LRRC7: variants seen among roughly 807,000 people sequenced by gnomAD.
The protein encoded by LRRC7 is leucine rich repeat containing 7.
In LRRC7, 23 loss-of-function variants were observed where a neutral mutation model predicts 175.7. The ratio of observed to expected loss-of-function variants is 0.13; its 90% confidence interval spans 0.09 to 0.19. LRRC7 has a LOEUF of 0.19. Among genes scored for constraint, LRRC7 ranks in the 10% least tolerant of loss-of-function variants. The pLI is 1.00. For missense variants in LRRC7, 1,354 were observed against 1,904.7 expected (o/e 0.71, Z 5.38); for synonymous variants, 685 against 680.9 (o/e 1.01, Z -0.09).
chr1:70,026,452 A>T (rs966846353), intron 17 of LRRC7, among the ~76,000 whole-genome samples: 3 of 152,102 alleles, frequency 2.0e-5, no homozygotes, highest in Non-Finnish European at 4.4e-5. Context: ...TTCTAATACC[A>T]ACTTAAACAA....
At chr1:70,040,310 C>T (rs1483862073) in intron 21 of LRRC7, among the ~76,000 whole-genome samples, 1 of 151,944 alleles carries the variant, frequency 6.6e-6, no homozygotes, top group Non-Finnish European at 1.5e-5. Flanking sequence ...CAACAAGAAA[C>T]AGAAAAATAA....
intron 1 of LRRC7, among the ~76,000 whole-genome samples, chr1:69,576,722 G>A (rs979425257): frequency 1.3e-5 from 2 of 152,102 alleles, no homozygotes; most frequent in Non-Finnish European, 2.9e-5. Flanking sequence ...CTTTTCATTT[G>A]TAAAATGGTT....
At chr1:69,856,195 T>A (rs1259359807) in intron 7 of LRRC7, among the ~76,000 whole-genome samples, 1 of 152,192 alleles carries the variant, frequency 6.6e-6, no homozygotes, top group East Asian at 1.9e-4. Flanking sequence ...TTTTGCTTAT[T>A]AGTTGATGCA....
At chr1:69,735,843 C>T (rs1193425181) in intron 2 of LRRC7, among the ~76,000 whole-genome samples, 1 of 151,832 alleles carries the variant, frequency 6.6e-6, no homozygotes, top group Non-Finnish European at 1.5e-5. Flanking sequence ...CCCTTCCTTG[C>T]AAAACTTCCT....
chr1:69,818,046 G>A (rs1402181196), intron 4 of LRRC7, among the ~76,000 whole-genome samples: 2 of 152,034 alleles, frequency 1.3e-5, no homozygotes, highest in East Asian at 1.9e-4. Context: ...TATATAAGAT[G>A]CTGGCATCCA....
intron 2 of LRRC7, among the ~76,000 whole-genome samples, chr1:69,726,391 T>G (rs1176595338): frequency 1.3e-5 from 2 of 152,162 alleles, no homozygotes; most frequent in African/African-American, 2.4e-5. Context: ...AATGTAAAGA[T>G]TCCTTAAAAC....
intron 2 of LRRC7, among the ~76,000 whole-genome samples, chr1:69,730,272 C>A (rs995262689): frequency 6.6e-6 from 1 of 152,216 alleles, no homozygotes; most frequent in Non-Finnish European, 1.5e-5. Context: ...ATGTAAATTT[C>A]TGCAGTGGGC....
In LRRC7 at chr1:70,110,205, C is replaced by G. The variant is rs937362634; in HGVS notation, c.4620+2379C>G. Among the ~76,000 whole-genome samples the G allele has an allele frequency of 2.6e-5, 4 of 152,106 alleles. No homozygotes were observed. The East Asian group carries it at 7.8e-4, about 30-fold the overall frequency. On this transcript the variant is annotated intron_variant, in intron 26 of 26. Coordinates refer to ENST00000651989, the MANE Select transcript of LRRC7 (RefSeq NM_001370785.2). ...GGCCAGCCTTGGCAGCACAGTGAGA[C>G]TTGGTCTCTACAGAAAATTTAAAAA...
rs369706064 is a variant in LRRC7 at position 69,947,108 on chromosome 1, A to AAAATAAAT, written c.711+15575_711+15582dup. On this transcript the variant is annotated intron_variant, in intron 8 of 26. Transcript: ENST00000651989. ...GAGCAACAGAGTGAGACTGTGTCTCAAAATAAATAAATAAATAAATAAATA... is the reference window on the plus strand; with the variant it reads ...GAGCAACAGAGTGAGACTGTGTCTCAAAATAAATAAATAAATAAATAAATAAATAAATA... Among the ~76,000 whole-genome samples, 1,265 of 147,106 alleles carry AAAATAAAT rather than the reference A, an allele frequency of 8.6e-3. 10 individuals carry two copies. Among genetic ancestry groups the AAAATAAAT allele is most frequent in the Non-Finnish European group, 8.4e-3 (561 of 66,916 alleles).
intron 8 of LRRC7, among the ~76,000 whole-genome samples, chr1:69,939,719 T>C (rs1419201980): frequency 6.6e-6 from 1 of 152,164 alleles, no homozygotes; most frequent in East Asian, 1.9e-4. Context: ...CAGAAAGTTT[T>C]CCTTGCACCT....
At chr1:69,669,252 G>A (rs1658710258) in intron 1 of LRRC7, among the ~76,000 whole-genome samples, 2 of 152,096 alleles carry the variant, frequency 1.3e-5, no homozygotes, top group South Asian at 4.1e-4. Flanking sequence ...ATTTCTGGCA[G>A]AACAGATCTG....
chr1:70,023,488 A>G, intron 17 of LRRC7, 114 bp downstream of exon 17: 1 of 1,119,942 alleles, frequency 8.9e-7, no homozygotes, highest in Non-Finnish European at 1.2e-6. Flanking sequence ...TCACATAGAA[A>G]CCTTCAAATT....
intron 22 of LRRC7, among the ~76,000 whole-genome samples, chr1:70,048,220 C>T (rs192777145): frequency 3.9e-5 from 6 of 152,098 alleles, no homozygotes; most frequent in Admixed American, 1.3e-4. Flanking sequence ...TAGATATTTC[C>T]ACTGGGAGAA....
At chr1:70,047,099 C>CAT (rs1352533408) in intron 22 of LRRC7, among the ~76,000 whole-genome samples, 1 of 152,136 alleles carries the variant, frequency 6.6e-6, no homozygotes, top group Non-Finnish European at 1.5e-5. Context: ...CCTAAATACT[C>CAT]ATTAGCCATA....
At chr1:69,593,197 T>C (rs928752150) in intron 1 of LRRC7, among the ~76,000 whole-genome samples, 7 of 152,032 alleles carry the variant, frequency 4.6e-5, no homozygotes, top group African/African-American at 1.7e-4. Flanking sequence ...AAAAAGAACA[T>C]TTTAAAACTT....
chr1:70,046,065 T>C (rs1660306652), intron 22 of LRRC7, among the ~76,000 whole-genome samples: 1 of 152,100 alleles, frequency 6.6e-6, no homozygotes, highest in South Asian at 2.1e-4. Context: ...AAAGAGATCT[T>C]GGCATGATGG....
chr1:69,744,474 T>G (rs1669049184), intron 2 of LRRC7, among the ~76,000 whole-genome samples: 1 of 151,892 alleles, frequency 6.6e-6, no homozygotes, highest in Non-Finnish European at 1.5e-5. Flanking sequence ...TCCATCGATG[T>G]TCATTTCTGT....
At chr1:69,728,630 ATTAATTACATTTTCTTTCATT>A (rs1157865247) in intron 2 of LRRC7, among the ~76,000 whole-genome samples, 2 of 152,224 alleles carry the variant, frequency 1.3e-5, no homozygotes, top group Non-Finnish European at 2.9e-5. Flanking sequence ...AAATGTGAAA[ATTAATTACATTTTCTTTCATT>A]TTATGAAATT....
At chr1:69,845,080 T>C (rs562607812) in intron 7 of LRRC7, among the ~76,000 whole-genome samples, 27 of 152,020 alleles carry the variant, frequency 1.8e-4, no homozygotes, top group African/African-American at 6.0e-4. Flanking sequence ...CGAGGCCCTG[T>C]CTCTACAAAA....
Sources: allele counts gnomAD v4.1 joint callset (sites outside exome capture counted in the v4.1 genomes callset), GRCh38; gene constraint gnomAD v4.1.1; transcripts MANE v1.5; gene names NCBI Gene and HGNC (gene_info 2026-07-23, HGNC 2026-07-21).